Variants in ANO6 observed in about 807,000 individuals in gnomAD.
ANO6 encodes anoctamin-6.
Under a neutral mutation model 117.5 loss-of-function variants are expected in ANO6, and 106 were observed. That is an observed-to-expected ratio of 0.90 (90% confidence interval 0.77 to 1.06). ANO6 has a LOEUF of 1.06. ANO6 is among the 50% of genes least tolerant of loss of function. The pLI is 0.00. For missense variants in ANO6, 955 were observed against 1,121.1 expected, an observed-to-expected ratio of 0.85 and a Z score of 2.12; for synonymous variants, 367 against 385.1, an observed-to-expected ratio of 0.95 and a Z score of 0.55.
chr12:45,435,358 ACAAACCACCCCT>A (rs990570473), downstream of ANO6, among the ~76,000 whole-genome samples: 9 of 152,246 alleles, frequency 5.9e-5, no homozygotes, highest in African/African-American at 2.2e-4. Context: ...TGTCCTGCTC[ACAAACCACCCCT>A]CAGTGCAGCC....
intron 10 of ANO6, among the ~76,000 whole-genome samples, chr12:45,379,052 CGTA>C (rs1942103867): frequency 6.6e-6 from 1 of 152,056 alleles, no homozygotes; most frequent in Admixed American, 6.5e-5. Flanking sequence ...AATGTTCTAA[CGTA>C]GAAGAAAAAT....
At position 45,416,735 on chromosome 12, in the gene ANO6, C is replaced by A. The variant is rs1304010599; in HGVS notation, c.2048C>A (p.Ser683Tyr). ...GGGTTCGTCACCTTATTTGTGGCCT[C>A]TTTTCCACTGGCCCCTCTGTTGGCT... ...QFGFVTLFVA[S>Y]FPLAPLLALV... Residue 683 changes from serine to tyrosine, a missense_variant, in exon 17 of 20, where the codon TCT becomes TAT. Coordinates refer to ENST00000320560, the MANE Select transcript of ANO6 (RefSeq NM_001025356.3). The A allele has an allele frequency of 6.2e-7, 1 of 1,614,138 alleles. No individual in the cohort carries two copies. The highest frequency in any genetic ancestry group is 1.1e-5 in the South Asian group (1 of 91,078).
At chr12:45,258,484 T>C (rs1462894343) in intron 1 of ANO6, among the ~76,000 whole-genome samples, 1 of 152,102 alleles carries the variant, frequency 6.6e-6, no homozygotes, top group Non-Finnish European at 1.5e-5. Flanking sequence ...CTCTGGGATA[T>C]GTCCACGTTC....
intron 1 of ANO6, among the ~76,000 whole-genome samples, chr12:45,281,532 G>A (rs1938734940): frequency 6.6e-6 from 1 of 152,178 alleles, no homozygotes; most frequent in South Asian, 2.1e-4. Flanking sequence ...GAGAGCAGGA[G>A]CAAGAGAGAG....
intron 1 of ANO6, among the ~76,000 whole-genome samples, chr12:45,269,265 C>A (rs1011897132): frequency 6.6e-6 from 1 of 152,178 alleles, no homozygotes; most frequent in Non-Finnish European, 1.5e-5. Flanking sequence ...TTTCCAGACC[C>A]CTGGAGAGTT....
chr12:45,402,339 T>C (rs1403989369), intron 13 of ANO6, among the ~76,000 whole-genome samples: 11 of 152,224 alleles, frequency 7.2e-5, no homozygotes, highest in Non-Finnish European at 1.2e-4. Flanking sequence ...ATAAGTGGAA[T>C]AGGGTCATGG....
intron 2 of ANO6, among the ~76,000 whole-genome samples, chr12:45,311,438 G>C (rs1293129267): frequency 6.6e-6 from 1 of 152,014 alleles, no homozygotes; most frequent in Non-Finnish European, 1.5e-5. Flanking sequence ...GGAAATACTA[G>C]GCTTTTCCTG....
At chr12:45,356,304 A>G (rs4108251) in intron 7 of ANO6, among the ~76,000 whole-genome samples, 49 of 152,310 alleles carry the variant, frequency 3.2e-4, no homozygotes, top group Admixed American at 5.9e-4. Context: ...AATTTTGGTC[A>G]GAGAGACATT....
chr12:45,242,704 G>C (rs118017371), intron 1 of ANO6, among the ~76,000 whole-genome samples: 1,795 of 152,256 alleles, frequency 0.012, 21 homozygotes, highest in East Asian at 0.038. Context: ...CGGCCGTCTT[G>C]GAACAGTACC....
intron 17 of ANO6, among the ~76,000 whole-genome samples, chr12:45,419,168 A>G (rs1943290228): frequency 6.6e-6 from 1 of 152,228 alleles, no homozygotes; most frequent in Non-Finnish European, 1.5e-5. Context: ...ACCAATTTTA[A>G]TTTATTTTTA....
At chr12:45,393,223 G>A (rs762792934) in intron 12 of ANO6, among the ~76,000 whole-genome samples, 6 of 152,132 alleles carry the variant, frequency 3.9e-5, no homozygotes, top group African/African-American at 7.2e-5. Flanking sequence ...TAGCCAATTC[G>A]ATCAAGTGGA....
chr12:45,385,653 A>G (rs1942278815), intron 10 of ANO6, among the ~76,000 whole-genome samples: 1 of 152,178 alleles, frequency 6.6e-6, no homozygotes, highest in Admixed American at 6.5e-5. Context: ...ACAAAAGGAC[A>G]TGGTGCCCTC....
Position 45,357,516 on chromosome 12 carries a change from C to T in ANO6, c.998+92C>T, listed in dbSNP as rs906866978. ...CTTAAACTGTTTTGGTAAGACAAGA[C>T]TGACTGCAGAACATTCATTGCTTGG... is the stretch of plus-strand genomic sequence containing the variant. On this transcript the variant is annotated intron_variant, in intron 8 of 19. Transcript: ENST00000320560. 6.5e-5 allele frequency: 94 copies of T among 1,452,474 alleles called. 1 individual carries two copies. Among genetic ancestry groups the T allele is most frequent in the Non-Finnish European group, 8.4e-5 (88 of 1,042,572 alleles). The allele number at this position is 1,452,474 out of a possible 1,614,324, so 90.0% of individuals were successfully genotyped here. A position where few individuals can be genotyped will look rare whatever the true frequency, so the allele number is the denominator to read the frequency against.
chr12:45,343,730 T>C (rs1028359330), intron 3 of ANO6, among the ~76,000 whole-genome samples: 5 of 152,120 alleles, frequency 3.3e-5, no homozygotes, highest in Non-Finnish European at 7.4e-5. Context: ...CCAGAAGCAG[T>C]ACCTTAAATC....
At position 45,299,022 on chromosome 12, in the gene ANO6, T is replaced by A. The variant is rs10880769; in HGVS notation, c.71-2992T>A. Among the ~76,000 whole-genome samples the A allele has an allele frequency of 7.4e-3, 1,129 of 152,170 alleles. 14 individuals carry two copies. Among genetic ancestry groups the A allele is most frequent in the East Asian group, 0.053 (276 of 5,182 alleles). ...AAAACCCCACAGTATTATGTTTCCT[T>A]GTTTGCTGGTTCTGCCAAAAACCAA... On this transcript the variant is annotated intron_variant, in intron 1 of 19. Transcript: ENST00000320560.
intron 2 of ANO6, among the ~76,000 whole-genome samples, chr12:45,324,220 A>T (rs779956833): frequency 2.0e-5 from 3 of 152,178 alleles, no homozygotes; most frequent in Non-Finnish European, 4.4e-5. Context: ...GGCGTGAGTC[A>T]CCACGCTTGG....
intron 8 of ANO6, among the ~76,000 whole-genome samples, chr12:45,366,099 G>A (rs901309874): frequency 4.8e-5 from 7 of 146,298 alleles, no homozygotes; most frequent in South Asian, 2.2e-4. Flanking sequence ...AGGGAGCAGC[G>A]TGCAATGTTA....
intron 1 of ANO6, among the ~76,000 whole-genome samples, chr12:45,226,973 A>C (rs1947491432): frequency 6.7e-6 from 1 of 149,780 alleles, no homozygotes; most frequent in South Asian, 2.1e-4. Context: ...ATTAACAAAA[A>C]TTATCATTTT....
rs553901996 is a variant in ANO6 at position 45,290,371 on chromosome 12, T to C, written c.71-11643T>C. On this transcript the variant is annotated intron_variant, in intron 1 of 19. Coordinates refer to ENST00000320560, the MANE Select transcript of ANO6 (RefSeq NM_001025356.3). The stretch of plus-strand genomic sequence containing the variant: ...GTTAAGCATGAAGTTATGACTCAAA[T>C]GTACTTGGAGCTGAAAGACAATAGG... Among the ~76,000 whole-genome samples, 3 of 152,112 alleles carry C rather than the reference T, an allele frequency of 2.0e-5. No individual in the cohort carries two copies. The South Asian group carries it at 6.3e-4, about 32-fold the overall frequency.
Sources: gnomAD v4.1 joint callset for allele counts (sites outside exome capture counted in the v4.1 genomes callset) on GRCh38, gnomAD v4.1.1 for gene constraint, MANE v1.5 for transcripts, NCBI Gene and HGNC (gene_info 2026-07-23, HGNC 2026-07-21) for gene names.